The following DPP10 variants were observed in gnomAD, a reference collection of about 807,000 sequenced individuals.
The protein encoded by DPP10 is dipeptidyl peptidase like 10.
DPP10 carries 33 observed loss-of-function variants against 120.9 expected under a neutral mutation model. The observed-to-expected ratio is 0.27, with a 90% CI of 0.21 to 0.37. DPP10 has a LOEUF of 0.37. Among genes scored for constraint, DPP10 ranks in the 10% least tolerant of loss-of-function variants. The pLI is 1.00. For missense variants in DPP10, 816 were observed against 942.8 expected (o/e 0.87, Z 1.76); for synonymous variants, 337 against 326.1 (o/e 1.03, Z -0.36).
chr2:114,493,379 A>C (rs746852853), intron 1 of DPP10, among the ~76,000 whole-genome samples: 10 of 152,136 alleles, frequency 6.6e-5, no homozygotes, highest in Non-Finnish European at 1.5e-4. Flanking sequence ...CAAGAAGAAA[A>C]ATTTCTTTCA....
intron 1 of DPP10, among the ~76,000 whole-genome samples, chr2:114,670,446 C>T (rs965805160): frequency 5.9e-5 from 9 of 151,746 alleles, no homozygotes; most frequent in African/African-American, 1.7e-4. Context: ...AACCAAACAC[C>T]GCATGTTCTC....
At chr2:115,046,752 G>A (rs976019299) in intron 1 of DPP10, among the ~76,000 whole-genome samples, 1 of 151,740 alleles carries the variant, frequency 6.6e-6, no homozygotes, top group Non-Finnish European at 1.5e-5. Context: ...ATGTACAGAG[G>A]CATTATATTT....
At chr2:114,947,679 C>T (rs1697467968) in intron 1 of DPP10, among the ~76,000 whole-genome samples, 1 of 151,832 alleles carries the variant, frequency 6.6e-6, no homozygotes, top group African/African-American at 2.4e-5. Context: ...TGATAAAAGG[C>T]CTTTCAAAGA....
chr2:114,688,213 T>G (rs966201588), intron 1 of DPP10, among the ~76,000 whole-genome samples: 1 of 151,856 alleles, frequency 6.6e-6, no homozygotes, highest in Non-Finnish European at 1.5e-5. Flanking sequence ...GAGAAGAGGG[T>G]GGGGCTAGCC....
At chr2:114,534,827 A>G (rs1340695886) in intron 1 of DPP10, among the ~76,000 whole-genome samples, 1 of 152,106 alleles carries the variant, frequency 6.6e-6, no homozygotes, top group Admixed American at 6.6e-5. Context: ...GCTTCACCCA[A>G]ATATCTGTTA....
intron 1 of DPP10, among the ~76,000 whole-genome samples, chr2:114,996,232 A>G (rs1308745457): frequency 6.6e-6 from 1 of 152,082 alleles, no homozygotes; most frequent in African/African-American, 2.4e-5. Flanking sequence ...ATCATCTGTC[A>G]CTCTTCAGTT....
At chr2:115,624,805 A>C (rs1481137058) in intron 5 of DPP10, among the ~76,000 whole-genome samples, 1 of 152,198 alleles carries the variant, frequency 6.6e-6, no homozygotes, top group Non-Finnish European at 1.5e-5. Context: ...AGAAAGATTT[A>C]TCTTTCTTAG....
intron 1 of DPP10, among the ~76,000 whole-genome samples, chr2:115,269,018 G>A (rs981773391): frequency 6.6e-6 from 1 of 152,114 alleles, no homozygotes; most frequent in Admixed American, 6.5e-5. Context: ...GTGGTGGCAC[G>A]CACCTGTAGT....
In DPP10 at chr2:115,443,200, A is replaced by C. The variant is rs953147440; in HGVS notation, c.272-56310A>C. On this transcript the variant is annotated intron_variant, in intron 3 of 25. Coordinates refer to ENST00000410059, the MANE Select transcript of DPP10 (RefSeq NM_020868.6). ...ACAAATATTTTAGCATGAATTCTTAAAAGCTTACCACGATTTGAGCACAGT... is the reference window on the plus strand; with the variant it reads ...ACAAATATTTTAGCATGAATTCTTACAAGCTTACCACGATTTGAGCACAGT... Among the ~76,000 whole-genome samples, 4 of 152,174 alleles carry C rather than the reference A, an allele frequency of 2.6e-5. 1 individual carries two copies. The highest frequency in any genetic ancestry group is 9.6e-5 in the African/African-American group (4 of 41,462).
intron 5 of DPP10, among the ~76,000 whole-genome samples, chr2:115,558,273 C>T (rs980957144): frequency 2.6e-5 from 4 of 152,096 alleles, no homozygotes; most frequent in South Asian, 2.1e-4. Flanking sequence ...AATGCTTTTC[C>T]ATGTGCCATA....
At chr2:115,391,119 T>C (rs997774000) in intron 3 of DPP10, among the ~76,000 whole-genome samples, 2 of 152,176 alleles carry the variant, frequency 1.3e-5, no homozygotes, top group African/African-American at 4.8e-5. Flanking sequence ...AGGTACTACT[T>C]TTGGAACACA....
intron 5 of DPP10, among the ~76,000 whole-genome samples, chr2:115,625,039 A>G (rs2085250628): frequency 6.6e-6 from 1 of 151,634 alleles, no homozygotes; most frequent in South Asian, 2.1e-4. Context: ...TTTTATAAAT[A>G]TATAAATAAC....
intron 1 of DPP10, among the ~76,000 whole-genome samples, chr2:114,544,283 AG>A (rs1279567616): frequency 3.9e-5 from 6 of 152,202 alleles, no homozygotes; most frequent in African/African-American, 1.4e-4. Flanking sequence ...TGAGCCAAAA[AG>A]CCCCACGAGG....
intron 5 of DPP10, among the ~76,000 whole-genome samples, chr2:115,589,884 A>G (rs988349299): frequency 1.3e-4 from 20 of 152,214 alleles, no homozygotes; most frequent in Admixed American, 1.2e-3. Context: ...ACAGACAGTC[A>G]TGCATATCGG....
chr2:115,641,881 T>C (rs929580800), intron 5 of DPP10, among the ~76,000 whole-genome samples: 13 of 152,170 alleles, frequency 8.5e-5, no homozygotes, highest in Admixed American at 7.2e-4. Flanking sequence ...ATCAACCTTT[T>C]CAGCCACACA....
At chr2:114,473,151 T>G (rs61533041) in intron 1 of DPP10, among the ~76,000 whole-genome samples, 7,096 of 152,272 alleles carry the variant, frequency 0.047, 523 homozygotes, top group African/African-American at 0.16. Flanking sequence ...TCTACTAGAA[T>G]TCACTACATA....
At chr2:115,577,342 T>C (rs2149112425) in intron 5 of DPP10, among the ~76,000 whole-genome samples, 1 of 152,310 alleles carries the variant, frequency 6.6e-6, no homozygotes, top group Non-Finnish European at 1.5e-5. Flanking sequence ...AATTTCTGCC[T>C]TCCGTGTTTG....
Position 115,009,226 on chromosome 2 carries a change from A to G in DPP10, c.61-300013A>G, listed in dbSNP as rs1245019983. 3.3e-5 allele frequency among the ~76,000 whole-genome samples: 5 copies of G among 150,510 alleles called. No homozygotes were observed. In the East Asian group the frequency reaches 9.8e-4, roughly 30 times the overall value. On this transcript the variant is annotated intron_variant, in intron 1 of 25. Coordinates refer to ENST00000410059, the MANE Select transcript of DPP10 (RefSeq NM_020868.6). ...TGGATTAAGAAAATGTGGCACATAT[A>G]CACCATGGAATACTATGCAGCCATA...
intron 1 of DPP10, among the ~76,000 whole-genome samples, chr2:114,826,592 A>G (rs1686559517): frequency 6.6e-6 from 1 of 152,120 alleles, no homozygotes; most frequent in Non-Finnish European, 1.5e-5. Context: ...GTGCAATGTC[A>G]TGACCTCAGC....
Sources: gnomAD v4.1 joint callset for allele counts (sites outside exome capture counted in the v4.1 genomes callset) on GRCh38, gnomAD v4.1.1 for gene constraint, MANE v1.5 for transcripts, NCBI Gene and HGNC (gene_info 2026-07-23, HGNC 2026-07-21) for gene names.